FBRSL1: variants seen among roughly 807,000 people sequenced by gnomAD.
The protein encoded by FBRSL1 is fibrosin-1-like protein.
A neutral mutation model predicts 89.6 loss-of-function variants in FBRSL1; 51 were observed. That is an observed-to-expected ratio of 0.57 (90% CI 0.45 to 0.72). FBRSL1 has a LOEUF of 0.72. Ranked by LOEUF, FBRSL1 falls within the 30% of genes least tolerant of loss-of-function variation. The pLI is 0.00. For synonymous variants in FBRSL1, 779 were observed against 681.1 expected, an observed-to-expected ratio of 1.14 and a Z score of -2.24; for missense variants, 1,618 against 1,451.8, an observed-to-expected ratio of 1.11 and a Z score of -1.86.
Position 132,574,177 on chromosome 12 carries a change from C to T in FBRSL1, c.1599+19C>T. 1.4e-6 allele frequency: 2 copies of T among 1,427,028 alleles called. No homozygotes were observed. Among genetic ancestry groups the T allele is most frequent in the Non-Finnish European group, 1.8e-6 (2 of 1,095,296 alleles). The allele number at this position is 1,427,028 out of a possible 1,614,324, so 88.4% of individuals were successfully genotyped here. A position where few individuals can be genotyped will look rare whatever the true frequency, so the allele number is the denominator to read the frequency against. The stretch of plus-strand genomic sequence containing the variant: ...GCCTGGGGTAGGTGTTAGTGGGCGC[C>T]CGTCCCCACCCCGGGGGATGGCCTG... On this transcript the variant is annotated intron_variant, in intron 12 of 18. Transcript: ENST00000680143.
intron 4 of FBRSL1, among the ~76,000 whole-genome samples, chr12:132,533,788 C>T (rs1250765422): frequency 2.0e-5 from 3 of 152,238 alleles, no homozygotes; most frequent in Non-Finnish European, 4.4e-5. Flanking sequence ...GCACGTCACA[C>T]AGGGTCCCTG....
At chr12:132,521,785 C>T (rs1166490073) in intron 2 of FBRSL1, among the ~76,000 whole-genome samples, 1 of 152,232 alleles carries the variant, frequency 6.6e-6, no homozygotes, top group Admixed American at 6.5e-5. Flanking sequence ...TGCATTTGCC[C>T]TGACCATTGC....
chr12:132,533,327 C>T (rs1219286432), intron 4 of FBRSL1, among the ~76,000 whole-genome samples: 4 of 149,818 alleles, frequency 2.7e-5, no homozygotes, highest in Non-Finnish European at 5.9e-5. Context: ...AGTCTCCTCC[C>T]GACCCAGCCT....
intron 9 of FBRSL1, chr12:132,571,782 C>T (rs146412709): frequency 5.3e-5 from 18 of 340,886 alleles, no homozygotes; most frequent in Middle Eastern, 8.1e-4. Flanking sequence ...GACACCCTCA[C>T]GCCTGCACTA....
At chr12:132,545,936 G>A (rs1045972102) in intron 4 of FBRSL1, among the ~76,000 whole-genome samples, 1 of 152,194 alleles carries the variant, frequency 6.6e-6, no homozygotes, top group African/African-American at 2.4e-5. Context: ...TCCCCTGCAG[G>A]CCTCTGGATG....
At chr12:132,528,513 C>T (rs1450352018) in intron 4 of FBRSL1, among the ~76,000 whole-genome samples, 1 of 151,740 alleles carries the variant, frequency 6.6e-6, no homozygotes, top group African/African-American at 2.4e-5. Flanking sequence ...CACCCCGTGG[C>T]GGGCAGGGGG....
In FBRSL1 at chr12:132,490,683, C is replaced by A; in HGVS notation, c.113C>A (p.Pro38His). ...CAGAGTCCGTCGTCGGGCGACGAGC[C>A]CGAGCCCAGCCCCGGCAAGGAGAAC... is the stretch of plus-strand genomic sequence containing the variant. ...RAQSPSSGDE[P>H]EPSPGKENAG... Residue 38 changes from proline (P) to histidine (H), a missense_variant, in exon 1 of 19, where the codon CCC becomes CAC. Transcript: ENST00000680143. The A allele has an allele frequency of 2.0e-6, 2 of 1,000,438 alleles. No homozygotes were observed. The highest frequency in any genetic ancestry group is 2.4e-6 in the Non-Finnish European group (2 of 835,968). The allele number at this position is 1,000,438 out of a possible 1,614,324, so 62.0% of individuals were successfully genotyped here. A position where few individuals can be genotyped will look rare whatever the true frequency, so the allele number is the denominator to read the frequency against.
intron 16 of FBRSL1, 46 bp from the exon 17 acceptor site, chr12:132,581,695 C>T (rs1259801259): frequency 6.5e-7 from 1 of 1,537,496 alleles, no homozygotes; most frequent in East Asian, 2.4e-5. Context: ...GTGGGAGCCG[C>T]AGCCCACGCC....
chr12:132,500,916 C>T (rs1341401915), intron 1 of FBRSL1, among the ~76,000 whole-genome samples: 2 of 152,238 alleles, frequency 1.3e-5, no homozygotes, highest in Admixed American at 6.5e-5. Flanking sequence ...CAGCAGGCCT[C>T]TGGCTGTCCT....
At chr12:132,537,125 T>C (rs1370523280) in intron 4 of FBRSL1, among the ~76,000 whole-genome samples, 5 of 152,162 alleles carry the variant, frequency 3.3e-5, no homozygotes, top group East Asian at 3.8e-4. Context: ...GTGGCCACGC[T>C]CGACAGGATG....
chr12:132,493,626 TG>T (rs922783670), intron 1 of FBRSL1, among the ~76,000 whole-genome samples: 6 of 152,116 alleles, frequency 3.9e-5, no homozygotes, highest in Non-Finnish European at 7.4e-5. Flanking sequence ...GTACCTGTTT[TG>T]TGCCCCCGGC....
intron 1 of FBRSL1, among the ~76,000 whole-genome samples, chr12:132,492,219 C>T (rs1401563995): frequency 6.6e-6 from 1 of 152,246 alleles, no homozygotes; most frequent in Non-Finnish European, 1.5e-5. Context: ...ACCGCGGCTT[C>T]CTCACTGCTC....
At chr12:132,555,339 G>A (rs1348686061) in intron 5 of FBRSL1, among the ~76,000 whole-genome samples, 2 of 147,784 alleles carry the variant, frequency 1.4e-5, no homozygotes, top group Non-Finnish European at 3.0e-5. Flanking sequence ...CGCCCCACCC[G>A]AGCGTGAGCG....
At chr12:132,519,407 C>T (rs1228950271) in intron 2 of FBRSL1, among the ~76,000 whole-genome samples, 1 of 152,238 alleles carries the variant, frequency 6.6e-6, no homozygotes, top group African/African-American at 2.4e-5. Context: ...GGATGGCATG[C>T]TTTGCTAATA....
At chr12:132,509,965 A>T in intron 2 of FBRSL1, 1 of 1,231,520 alleles carries the variant, frequency 8.1e-7, no homozygotes, top group Non-Finnish European at 1.0e-6. Flanking sequence ...CTGCTGGGCC[A>T]GCCCAGCCGC....
chr12:132,574,675 G>C (rs1473786776), intron 14 of FBRSL1, 111 bp downstream of exon 14: 2 of 1,350,656 alleles, frequency 1.5e-6, no homozygotes, highest in Non-Finnish European at 2.0e-6. Context: ...GCACGGGTGT[G>C]ATCCTCACGC....
chr12:132,508,414 T>TG, intron 2 of FBRSL1, 64 bp downstream of exon 2: 1 of 1,368,102 alleles, frequency 7.3e-7, no homozygotes, highest in Non-Finnish European at 9.6e-7. Flanking sequence ...CCCAGGGCCA[T>TG]GCCAGCACCT....
rs917185272 is a variant in FBRSL1, at chr12:132,502,901, C to G, written c.292-5252C>G. ...TCCCCGCCCTCTCCTGTCCACCTGC[C>G]GTGCCCCCTGCATTCACACCCGTCC... On this transcript the variant is annotated intron_variant, in intron 1 of 18. Transcript: ENST00000680143. 4.7e-5 allele frequency among the ~76,000 whole-genome samples: 7 copies of G among 149,014 alleles called. No individual in the cohort carries two copies. In the East Asian group the frequency reaches 1.0e-3, roughly 21 times the overall value.
intron 15 of FBRSL1, chr12:132,580,865 C>T: frequency 3.0e-6 from 3 of 985,274 alleles, no homozygotes; most frequent in Non-Finnish European, 3.6e-6. Flanking sequence ...GCAGCAGCCC[C>T]TCCCAGGGCC....
Sources: gnomAD v4.1 joint callset for allele counts (sites outside exome capture counted in the v4.1 genomes callset) on GRCh38, gnomAD v4.1.1 for gene constraint, MANE v1.5 for transcripts, NCBI Gene and HGNC (gene_info 2026-07-23, HGNC 2026-07-21) for gene names.